MAGI2: variants seen among roughly 807,000 people sequenced by gnomAD.
MAGI2 encodes membrane associated guanylate kinase, WW and PDZ domain containing 2, also known as membrane-associated guanylate kinase, WW and PDZ domain-containing protein 2.
A neutral mutation model predicts 133.3 loss-of-function variants in MAGI2; 35 were observed. The ratio of observed to expected loss-of-function variants is 0.26; its 90% CI spans 0.20 to 0.35. MAGI2 has a LOEUF of 0.35. Ranked by LOEUF, MAGI2 falls within the 10% of genes least tolerant of loss-of-function variation. MAGI2 has a pLI of 1.00. For missense variants in MAGI2, 1,636 were observed against 1,863.4 expected (o/e 0.88, Z 2.25); for synonymous variants, 729 against 710.6 (o/e 1.03, Z -0.41).
rs562921718 is a variant in MAGI2 at position 78,141,221 on chromosome 7, G to A, written c.2846-6015C>T. Among the ~76,000 whole-genome samples, 5 of 152,262 alleles carry A rather than the reference G, an allele frequency of 3.3e-5. No individual in the cohort carries two copies. The East Asian group carries it at 5.8e-4, about 18-fold the overall frequency. On this transcript the variant is annotated intron_variant, in intron 16 of 21. Transcript: ENST00000354212. ...ATGTGATGCCTTTAGCCCAGCTCCC[G>A]TGAATGGAGACTGAGCACAGAGGAA...
At chr7:78,835,565 A>G (rs1433219995) in intron 2 of MAGI2, among the ~76,000 whole-genome samples, 2 of 152,216 alleles carry the variant, frequency 1.3e-5, no homozygotes, top group Non-Finnish European at 2.9e-5. Context: ...GAGGTTGCTT[A>G]GGGTGCTCCA....
chr7:79,164,662 C>T (rs948507072), intron 1 of MAGI2, among the ~76,000 whole-genome samples: 1 of 152,026 alleles, frequency 6.6e-6, no homozygotes, highest in African/African-American at 2.4e-5. Context: ...CAGTTGTCAA[C>T]CAGAAAATGT....
chr7:78,954,326 T>C (rs1802118364), intron 2 of MAGI2, among the ~76,000 whole-genome samples: 2 of 152,132 alleles, frequency 1.3e-5, no homozygotes, highest in African/African-American at 2.4e-5. Context: ...ATTACAAATG[T>C]TCTTTTTCTT....
At chr7:79,250,202 C>T (rs918350185) in intron 1 of MAGI2, among the ~76,000 whole-genome samples, 4 of 151,700 alleles carry the variant, frequency 2.6e-5, no homozygotes, top group Non-Finnish European at 5.9e-5. Context: ...ATGGGGAAAA[C>T]CTGAAAGCCT....
intron 6 of MAGI2, among the ~76,000 whole-genome samples, chr7:78,477,179 C>T (rs1791857518): frequency 6.6e-6 from 1 of 151,828 alleles, no homozygotes; most frequent in Admixed American, 6.6e-5. Flanking sequence ...GTTGAGCAAA[C>T]CTAACCACCG....
intron 2 of MAGI2, among the ~76,000 whole-genome samples, chr7:78,655,798 G>A (rs1333593844): frequency 6.6e-6 from 1 of 151,824 alleles, no homozygotes; most frequent in Non-Finnish European, 1.5e-5. Flanking sequence ...TGGCTAACAC[G>A]GTGAAACCCT....
intron 1 of MAGI2, among the ~76,000 whole-genome samples, chr7:79,144,830 A>G (rs1335509340): frequency 2.0e-5 from 3 of 152,158 alleles, no homozygotes; most frequent in Non-Finnish European, 4.4e-5. Context: ...TTTCTATGGA[A>G]TCTTCCATTT....
chr7:78,070,803 C>T (rs1006034739), intron 21 of MAGI2, among the ~76,000 whole-genome samples: 4 of 151,820 alleles, frequency 2.6e-5, no homozygotes, highest in East Asian at 1.9e-4. Flanking sequence ...CCACCACACC[C>T]GGCTGATTTC....
intron 2 of MAGI2, among the ~76,000 whole-genome samples, chr7:78,896,996 A>ATATAT: frequency 6.6e-6 from 1 of 152,276 alleles, no homozygotes; most frequent in Middle Eastern, 3.4e-3. Context: ...GAAACCCAGA[A>ATATAT]TACTTGTTCA....
chr7:78,607,936 C>A (rs1022228373), intron 3 of MAGI2, among the ~76,000 whole-genome samples: 3 of 152,170 alleles, frequency 2.0e-5, no homozygotes, highest in Admixed American at 1.3e-4. Context: ...TAGACAGGAA[C>A]CTCTCAAGAA....
intron 6 of MAGI2, among the ~76,000 whole-genome samples, chr7:78,436,043 C>T (rs367642308): frequency 5.9e-5 from 9 of 152,030 alleles, no homozygotes; most frequent in Non-Finnish European, 7.4e-5. Flanking sequence ...GGGAAAGATC[C>T]GGGGTGAGTG....
At chr7:79,265,848 A>G (rs1585374181) in intron 1 of MAGI2, among the ~76,000 whole-genome samples, 1 of 152,100 alleles carries the variant, frequency 6.6e-6, no homozygotes, top group African/African-American at 2.4e-5. Context: ...ATATCTGTTC[A>G]CAGCTATGTT....
intron 6 of MAGI2, among the ~76,000 whole-genome samples, chr7:78,381,331 A>T (rs62461542): frequency 0.38 from 58,165 of 151,982 alleles, 11,613 homozygotes; most frequent in Middle Eastern, 0.5. Flanking sequence ...TGGGTGACAT[A>T]TAAGACTCTG....
intron 2 of MAGI2, among the ~76,000 whole-genome samples, chr7:78,991,044 G>T (rs1423475338): frequency 6.6e-6 from 1 of 151,364 alleles, no homozygotes; most frequent in African/African-American, 2.4e-5. Flanking sequence ...GATCATGGGG[G>T]CAGTTTCCCC....
chr7:79,024,999 T>C (rs1329659748), intron 1 of MAGI2, among the ~76,000 whole-genome samples: 3 of 152,110 alleles, frequency 2.0e-5, no homozygotes, highest in African/African-American at 7.2e-5. Context: ...AATCCCATTA[T>C]TCAGTATATA....
intron 2 of MAGI2, among the ~76,000 whole-genome samples, chr7:78,674,877 G>A (rs1814820582): frequency 6.6e-6 from 1 of 152,036 alleles, no homozygotes; most frequent in African/African-American, 2.4e-5. Context: ...ACATAGAAAA[G>A]TATGGAGGAA....
In MAGI2 at chr7:78,691,559, T is replaced by C. The variant is rs141446681; in HGVS notation, c.419-64320A>G. Among the ~76,000 whole-genome samples, 386 of 152,228 alleles carry C rather than the reference T, an allele frequency of 2.5e-3. 1 individual carries two copies. Among genetic ancestry groups the C allele is most frequent in the African/African-American group, 8.9e-3 (368 of 41,550 alleles). On this transcript the variant is annotated intron_variant, in intron 2 of 21. Transcript: ENST00000354212. ...AATCTAATGACTGATGCAGAACAGA[T>C]TGGTGTATGATATTGTATAAAAAGG...
At chr7:78,399,812 A>C (rs1796690761) in intron 6 of MAGI2, among the ~76,000 whole-genome samples, 1 of 149,776 alleles carries the variant, frequency 6.7e-6, no homozygotes, top group Non-Finnish European at 1.5e-5. Context: ...ATCAAAAAAA[A>C]AAAAAAAAAA....
At chr7:78,299,717 G>A (rs798348) in intron 9 of MAGI2, among the ~76,000 whole-genome samples, 77,134 of 151,828 alleles carry the variant, frequency 0.51, 21,947 homozygotes, top group African/African-American at 0.76. Flanking sequence ...TATTAAGCCC[G>A]GTATCCACTA....
Sources: allele counts gnomAD v4.1 joint callset (sites outside exome capture counted in the v4.1 genomes callset), GRCh38; gene constraint gnomAD v4.1.1; transcripts MANE v1.5; gene names NCBI Gene and HGNC (gene_info 2026-07-23, HGNC 2026-07-21).